The following KIF13A variants were observed in gnomAD, a reference collection of about 807,000 sequenced individuals.
KIF13A encodes kinesin family member 13A.
A neutral mutation model predicts 212.2 loss-of-function variants in KIF13A; 79 were observed. The observed-to-expected ratio is 0.37, with a 90% CI of 0.31 to 0.45. The LOEUF (loss-of-function observed/expected upper bound fraction) is 0.45, where lower values mean the gene tolerates loss of function less well. KIF13A is among the 20% of genes least tolerant of loss of function. The pLI is 1.00. For synonymous variants in KIF13A, 789 were observed against 808.6 expected (o/e 0.98, Z 0.41); for missense variants, 1,901 against 2,209.0 (o/e 0.86, Z 2.79).
rs908420297 is a variant in KIF13A, at chr6:17,984,334, T to G, written c.146+2720A>C. Among the ~76,000 whole-genome samples, 1 of 152,230 alleles carries G rather than the reference T, an allele frequency of 6.6e-6. No individual in the cohort carries two copies. Among genetic ancestry groups the G allele is most frequent in the Admixed American group, 6.5e-5 (1 of 15,282 alleles). ...GCATGGTACTGAAATGATCTGAACT[T>G]CATAAATGTCTCCTGGAGAGCAATG... On this transcript the variant is annotated intron_variant, in intron 2 of 38. Coordinates refer to ENST00000259711, the MANE Select transcript of KIF13A (RefSeq NM_022113.6). The surrounding 1 kb of genome is among the most constrained non-coding windows in gnomAD (Gnocchi z 5.0).
At chr6:17,775,177 CCT>C (rs1188993213) in intron 34 of KIF13A, 115 bp from the exon 35 acceptor site, 3 of 740,932 alleles carry the variant, frequency 4.0e-6, no homozygotes, top group Non-Finnish European at 6.5e-6. Context: ...TTCTTCTCCT[CCT>C]CTTTCTTCCC....
At chr6:17,857,073 T>C (rs1274219636) in intron 4 of KIF13A, among the ~76,000 whole-genome samples, 2 of 152,226 alleles carry the variant, frequency 1.3e-5, no homozygotes, top group African/African-American at 4.8e-5. Flanking sequence ...TTATCTTACA[T>C]GATAGTTCCT....
At chr6:17,890,394 T>C (rs1375421029) in intron 3 of KIF13A, among the ~76,000 whole-genome samples, 1 of 152,064 alleles carries the variant, frequency 6.6e-6, no homozygotes, top group Non-Finnish European at 1.5e-5. Flanking sequence ...GTGAGGGGTC[T>C]TGGAACATGC....
In KIF13A at chr6:17,855,041, C is replaced by A. The variant is rs1359228; in HGVS notation, c.494+396G>T. 0.18 allele frequency among the ~76,000 whole-genome samples: 27,972 copies of A among 152,124 alleles called. 2,876 individuals carry two copies. The highest frequency in any genetic ancestry group is 0.31 in the South Asian group (1,515 of 4,826). On this transcript the variant is annotated intron_variant, in intron 6 of 38. Transcript: ENST00000259711. The surrounding 1 kb of genome is among the most constrained non-coding windows in gnomAD (Gnocchi z 4.1). ...AAACGTTCCCCACATGATTCCAATG[C>A]ACAGCCAGGGAAGGGCATTGCTTGC...
In KIF13A at chr6:17,919,290, C is replaced by T. The variant is rs1774829657; in HGVS notation, c.147-21110G>A. Among the ~76,000 whole-genome samples, 1 of 152,196 alleles carries T rather than the reference C, an allele frequency of 6.6e-6. No individual in the cohort carries two copies. The highest frequency in any genetic ancestry group is 2.1e-4 in the South Asian group (1 of 4,822). On this transcript the variant is annotated intron_variant, in intron 2 of 38. Transcript: ENST00000259711. This position sits in a 1 kb window ranked among gnomAD's most constrained non-coding sequence, Gnocchi z 4.1. Reference sequence around the variant, plus strand: ...AACAGTAGAAAGTATCCCTCTTCAACAATTACCAATACATGGCCAGTCTTG... The same window carrying T: ...AACAGTAGAAAGTATCCCTCTTCAATAATTACCAATACATGGCCAGTCTTG...
rs546840205 is a variant in KIF13A, at chr6:17,961,098, G to A, written c.146+25956C>T. On this transcript the variant is annotated intron_variant, in intron 2 of 38. Coordinates refer to ENST00000259711, the MANE Select transcript of KIF13A (RefSeq NM_022113.6). This position sits in a 1 kb window ranked among gnomAD's most constrained non-coding sequence, Gnocchi z 4.1. ...GGGCTTAATGTTAAGCCAAGGGTCA[G>A]AGAAAGATTCTTAAAGGAAGACGTA... Among the ~76,000 whole-genome samples the A allele has an allele frequency of 1.3e-5, 2 of 152,350 alleles. No homozygotes were observed. The highest frequency in any genetic ancestry group is 4.8e-5 in the African/African-American group (2 of 41,582).
At chr6:17,974,573 G>T (rs903360510) in intron 2 of KIF13A, among the ~76,000 whole-genome samples, 1 of 151,720 alleles carries the variant, frequency 6.6e-6, no homozygotes, top group Non-Finnish European at 1.5e-5. Flanking sequence ...CAGAATTCAT[G>T]GGTATTAGTA....
At chr6:17,852,624 C>T (rs1767766811) in intron 6 of KIF13A, among the ~76,000 whole-genome samples, 2 of 152,110 alleles carry the variant, frequency 1.3e-5, no homozygotes, top group Non-Finnish European at 2.9e-5. Flanking sequence ...CACTATTCTG[C>T]CCAAGCTGGT....
chr6:17,920,958 A>C (rs189359050), intron 2 of KIF13A, among the ~76,000 whole-genome samples: 89 of 152,290 alleles, frequency 5.8e-4, no homozygotes, highest in African/African-American at 2.0e-3. Flanking sequence ...TTGCCCTTAA[A>C]GGGTCATATC....
At chr6:17,848,558 C>CT (rs66477046) in intron 9 of KIF13A, among the ~76,000 whole-genome samples, 1,669 of 68,284 alleles carry the variant, frequency 0.024, 49 homozygotes, top group African/African-American at 0.05. Flanking sequence ...ACTCGTACAT[C>CT]TTTTTTTTTT....
At chr6:17,779,162 G>C (rs960063811) in intron 32 of KIF13A, 63 bp from the exon 33 acceptor site, 1 of 1,427,304 alleles carries the variant, frequency 7.0e-7, no homozygotes, top group African/African-American at 1.4e-5. Context: ...CCAAAGTGTG[G>C]TGAGAAAACG....
In KIF13A at chr6:17,817,077, C is replaced by A; in HGVS notation, c.1943G>T (p.Arg648Leu). Reference protein sequence around the residue: ...DRQPQSSGPDRLAYSSQTAQQ... With the variant: ...DRQPQSSGPDLLAYSSQTAQQ... ...CGCTGTCTGGCTGCTGTAGGCCAGGCGGTCAGGGCCGCTACTCTGTGGCTG... is the reference window on the plus strand; with the variant it reads ...CGCTGTCTGGCTGCTGTAGGCCAGGAGGTCAGGGCCGCTACTCTGTGGCTG... The change falls in exon 17 of 39, where the codon CGC becomes CTC. Residue 648 changes from arginine (R) to leucine (L), a missense_variant. Physicochemically the swap from Arg to Leu is moderately radical, Grantham distance 102. This residue lies in a region of KIF13A where 534 missense variants were observed against 536.9 expected (regional missense o/e 0.99). Transcript: ENST00000259711. The A allele has an allele frequency of 3.7e-6, 6 of 1,613,634 alleles. No homozygotes were observed. In the South Asian group the frequency reaches 6.6e-5, roughly 18 times the overall value.
chr6:17,925,523 T>G (rs996094995), intron 2 of KIF13A, among the ~76,000 whole-genome samples: 1 of 152,148 alleles, frequency 6.6e-6, no homozygotes, highest in African/African-American at 2.4e-5. Context: ...TTGTGTGGAG[T>G]AAACACACAT....
chr6:17,766,300 T>A (rs1287434464), intron 38 of KIF13A, among the ~76,000 whole-genome samples: 1 of 151,592 alleles, frequency 6.6e-6, no homozygotes, highest in Non-Finnish European at 1.5e-5. Context: ...AGTGCAATGG[T>A]GTGATCTCGG....
At chr6:17,833,752 AG>A (rs1765668406) in intron 12 of KIF13A, among the ~76,000 whole-genome samples, 1 of 147,304 alleles carries the variant, frequency 6.8e-6, no homozygotes, top group African/African-American at 2.5e-5. Flanking sequence ...GCTACTCGGG[AG>A]GCTACGGCAT....
Position 17,805,508 on chromosome 6 carries a change from G to T in KIF13A, c.2271C>A (p.Asp757Glu). Residue 757 changes from aspartate (D) to glutamate (E), a missense_variant, in exon 19 of 39, where the codon GAC becomes GAA. This residue lies in a region of KIF13A where 534 missense variants were observed against 536.9 expected (regional missense o/e 0.99). Coordinates refer to ENST00000259711, the MANE Select transcript of KIF13A (RefSeq NM_022113.6). ...CTTTTTCCTTCCATTCTTGGTAAAGGTCTCTCATGTCAATTAATTTATTCT... is the reference window on the plus strand; with the variant it reads ...CTTTTTCCTTCCATTCTTGGTAAAGTTCTCTCATGTCAATTAATTTATTCT... ...KLENKLIDMR[D>E]LYQEWKEKVP... is the part of the protein sequence containing the mutation. The T allele has an allele frequency of 6.2e-7, 1 of 1,613,470 alleles. No homozygotes were observed. The highest frequency in any genetic ancestry group is 8.5e-7 in the Non-Finnish European group (1 of 1,179,778).
rs192182872 is a variant in KIF13A, at chr6:17,772,498, T to C, written c.4325-439A>G. Among the ~76,000 whole-genome samples, 25 of 152,288 alleles carry C rather than the reference T, an allele frequency of 1.6e-4. No homozygotes were observed. The highest frequency in any genetic ancestry group is 5.1e-4 in the African/African-American group (21 of 41,572). ...ACCATGGAACAGATGTAGGCAAGAA[T>C]AGACATAAATCTGTGATGTCACAAA... is the stretch of plus-strand genomic sequence containing the variant. On this transcript the variant is annotated intron_variant, in intron 36 of 38. Transcript: ENST00000259711. The surrounding 1 kb of genome is among the most constrained non-coding windows in gnomAD (Gnocchi z 4.8).
At chr6:17,972,713 T>C (rs565895663) in intron 2 of KIF13A, among the ~76,000 whole-genome samples, 3 of 152,068 alleles carry the variant, frequency 2.0e-5, no homozygotes, top group South Asian at 2.1e-4. Flanking sequence ...TGGTCATTTG[T>C]GGTGGGTGTG....
intron 16 of KIF13A, among the ~76,000 whole-genome samples, chr6:17,822,453 A>G (rs895378948): frequency 2.0e-5 from 3 of 152,224 alleles, no homozygotes; most frequent in Non-Finnish European, 4.4e-5. Flanking sequence ...GATGACTCCA[A>G]TTGGTTTGGC....
Sources: gnomAD v4.1 joint callset for allele counts (sites outside exome capture counted in the v4.1 genomes callset) on GRCh38, gnomAD v4.1.1 for gene constraint, gnomAD v4.1.1 regional missense constraint, Gnocchi (gnomAD v3.1) non-coding constraint, MANE v1.5 for transcripts, NCBI Gene and HGNC (gene_info 2026-07-23, HGNC 2026-07-21) for gene names.